AKAP14: variants seen among roughly 807,000 people sequenced by gnomAD.
AKAP14 encodes A-kinase anchoring protein 14.
Under a neutral mutation model 17.0 loss-of-function variants are expected in AKAP14, and 4 were observed. That is an observed-to-expected ratio of 0.23 (90% CI 0.12 to 0.54). AKAP14 has a LOEUF of 0.54. AKAP14 is among the 20% of genes least tolerant of loss of function. The probability of loss-of-function intolerance (pLI) is 0.95; values close to 1 mark genes in which losing one functional copy is unlikely to be tolerated. For missense variants in AKAP14, 129 were observed against 150.9 expected, an observed-to-expected ratio of 0.85 and a Z score of 0.76; for synonymous variants, 42 against 51.3, an observed-to-expected ratio of 0.82 and a Z score of 0.77.
In AKAP14 at chrX:119,919,940, T is replaced by C. The variant is rs1214609439; in HGVS notation, c.471T>C (p.Gly157=). ...CACCCATTGTTGTTTCTTATGTAGG[T>C]GACCACCAAGCATTAGTTCACAGGT... ...PDAPIVVSYV[G]DHQALVHRPG... The change falls in exon 6 of 7, where the codon GGT becomes GGC. Residue 157 remains glycine (G), a synonymous_variant. Coordinates refer to ENST00000371431, the MANE Select transcript of AKAP14 (RefSeq NM_178813.6). 4 of 1,208,973 alleles carry C rather than the reference T, an allele frequency of 3.3e-6. No homozygotes were observed. Among genetic ancestry groups the C allele is most frequent in the Non-Finnish European group, 4.5e-6 (4 of 894,639 alleles).
At chrX:119,899,708 C>G (rs1344787766) in intron 2 of AKAP14, among the ~76,000 whole-genome samples, 1 of 111,515 alleles carries the variant, frequency 9.0e-6, no homozygotes, top group Non-Finnish European at 1.9e-5. Flanking sequence ...GTTAGTTTTC[C>G]AGGGCAGGAA....
intron 2 of AKAP14, among the ~76,000 whole-genome samples, chrX:119,900,852 A>T (rs1320266813): frequency 8.9e-6 from 1 of 112,313 alleles, no homozygotes. Flanking sequence ...TAAGGAATTT[A>T]AAGCTGTGCT....
At chrX:119,910,537 C>T (rs2056622075) in intron 4 of AKAP14, among the ~76,000 whole-genome samples, 1 of 112,088 alleles carries the variant, frequency 8.9e-6, no homozygotes, top group Admixed American at 9.5e-5. Context: ...ATCAGGGATG[C>T]ATTTTGACTT....
intron 5 of AKAP14, chrX:119,919,688 A>G: frequency 6.1e-6 from 2 of 325,741 alleles, no homozygotes; most frequent in Non-Finnish European, 1.1e-5. Flanking sequence ...TCTACTAAAA[A>G]TAAAAAAAAT....
chrX:119,904,214 A>G (rs1420405475), intron 4 of AKAP14, among the ~76,000 whole-genome samples: 2 of 112,134 alleles, frequency 1.8e-5, no homozygotes, highest in Non-Finnish European at 3.8e-5. Context: ...CTGGGATTAC[A>G]GGTGTGAGCC....
intron 4 of AKAP14, 34 bp downstream of exon 4, chrX:119,903,620 C>T (rs781424594): frequency 2.5e-5 from 30 of 1,206,239 alleles, no homozygotes; most frequent in Admixed American, 2.2e-4. Flanking sequence ...CATGGTACAC[C>T]GGTGTGAAGA....
At chrX:119,902,054 T>A (rs1185510398) in intron 2 of AKAP14, among the ~76,000 whole-genome samples, 1 of 92,455 alleles carries the variant, frequency 1.1e-5, no homozygotes, top group African/African-American at 4.5e-5. Flanking sequence ...AACAAAACAC[T>A]GTCTTTATAC....
At chrX:119,897,405 C>G (rs901889921) in intron 2 of AKAP14, among the ~76,000 whole-genome samples, 1 of 110,587 alleles carries the variant, frequency 9.0e-6, no homozygotes, top group Non-Finnish European at 1.9e-5. Context: ...GTGATCCGCC[C>G]GCCTTGGCCT....
intron 2 of AKAP14, among the ~76,000 whole-genome samples, chrX:119,897,696 G>A (rs2056539273): frequency 8.9e-6 from 1 of 111,814 alleles, no homozygotes; most frequent in African/African-American, 3.2e-5. Context: ...GCTCTGGAGT[G>A]GGCAACCTGG....
At chrX:119,918,051 C>T (rs1037870536) in intron 5 of AKAP14, among the ~76,000 whole-genome samples, 1 of 111,712 alleles carries the variant, frequency 9.0e-6, no homozygotes, top group Non-Finnish European at 1.9e-5. Context: ...TCTTGCTTCT[C>T]CTCAAATAAG....
chrX:119,914,219 CAG>C (rs369527262), intron 4 of AKAP14, among the ~76,000 whole-genome samples: 1 of 96,246 alleles, frequency 1.0e-5, no homozygotes, highest in African/African-American at 3.8e-5. Context: ...GCCTGGGCAA[CAG>C]AGAGAGACTC....
intron 5 of AKAP14, among the ~76,000 whole-genome samples, chrX:119,917,454 A>G (rs2056665778): frequency 8.9e-6 from 1 of 111,817 alleles, no homozygotes; most frequent in Non-Finnish European, 1.9e-5. Flanking sequence ...AAAAGTACAA[A>G]ATTAGCCAGG....
At chrX:119,918,513 T>C (rs1242133419) in intron 5 of AKAP14, among the ~76,000 whole-genome samples, 1 of 112,310 alleles carries the variant, frequency 8.9e-6, no homozygotes, top group African/African-American at 3.2e-5. Flanking sequence ...ATTACAGGCA[T>C]GAGCCACCAC....
intron 5 of AKAP14, 41 bp downstream of exon 5, chrX:119,914,919 G>C (rs1335197956): frequency 2.7e-6 from 3 of 1,124,307 alleles, no homozygotes; most frequent in Non-Finnish European, 3.6e-6. Flanking sequence ...GCTTCAGTGA[G>C]AATGGAGACT....
rs989853113 is a variant in AKAP14 at position 119,903,602 on chromosome X, C to T, written c.261+16C>T. ...ATATTTTTCGGTAAGTTAGGCCGAC[C>T]ACTCCAGCATGGTACACCGGTGTGA... is the stretch of plus-strand genomic sequence containing the variant. On this transcript the variant is annotated intron_variant, in intron 4 of 6. Coordinates refer to ENST00000371431, the MANE Select transcript of AKAP14 (RefSeq NM_178813.6). The T allele has an allele frequency of 1.7e-5, 21 of 1,208,132 alleles. No homozygotes were observed. The highest frequency in any genetic ancestry group is 2.3e-5 in the Non-Finnish European group (21 of 894,365).
In AKAP14 at chrX:119,916,395, G is replaced by A. The variant is rs772722224; in HGVS notation, c.441+1517G>A. ...ACACCCAGCTGTAAAACAAATTTCCGTCACTCCTCTGTTTTATCTATATCT... is the reference window on the plus strand; with the variant it reads ...ACACCCAGCTGTAAAACAAATTTCCATCACTCCTCTGTTTTATCTATATCT... On this transcript the variant is annotated intron_variant, in intron 5 of 6. Coordinates refer to ENST00000371431, the MANE Select transcript of AKAP14 (RefSeq NM_178813.6). Among the ~76,000 whole-genome samples the A allele has an allele frequency of 2.0e-4, 22 of 110,202 alleles. No individual in the cohort carries two copies. In the East Asian group the frequency reaches 6.4e-3, roughly 32 times the overall value.
At chrX:119,900,933 G>C (rs1323233126) in intron 2 of AKAP14, among the ~76,000 whole-genome samples, 1 of 112,268 alleles carries the variant, frequency 8.9e-6, no homozygotes, top group African/African-American at 3.2e-5. Context: ...TAAGACTCAA[G>C]GGAAAAGATG....
chrX:119,916,596 A>T (rs1156533124), intron 5 of AKAP14, among the ~76,000 whole-genome samples: 1 of 104,296 alleles, frequency 9.6e-6, no homozygotes, highest in Non-Finnish European at 2.0e-5. Context: ...GGCTCAAGCC[A>T]TCCTCCTGCC....
At chrX:119,916,022 T>TA (rs2056654783) in intron 5 of AKAP14, among the ~76,000 whole-genome samples, 2 of 110,632 alleles carry the variant, frequency 1.8e-5, no homozygotes, top group African/African-American at 6.6e-5. Flanking sequence ...CTTGCTTTGT[T>TA]ACCCAGGCTG....
Sources: allele counts gnomAD v4.1 joint callset (sites outside exome capture counted in the v4.1 genomes callset), GRCh38; gene constraint gnomAD v4.1.1; transcripts MANE v1.5; gene names NCBI Gene and HGNC (gene_info 2026-07-23, HGNC 2026-07-21).